CROCC: variants seen among roughly 807,000 people sequenced by gnomAD.
CROCC encodes the protein rootletin.
A neutral mutation model predicts 245.2 loss-of-function variants in CROCC; 180 were observed. The ratio of observed to expected loss-of-function variants is 0.73; its 90% CI spans 0.65 to 0.83. The LOEUF (loss-of-function observed/expected upper bound fraction) is 0.83. Ranked by LOEUF, CROCC falls within the 40% of genes least tolerant of loss-of-function variation. The probability of loss-of-function intolerance (pLI) is 0.00; values close to 1 mark genes in which losing one functional copy is unlikely to be tolerated. For missense variants in CROCC, 2,688 were observed against 2,779.4 expected (o/e 0.97, Z 0.74); for synonymous variants, 1,205 against 1,241.6 (o/e 0.97, Z 0.62).
rs138809672 is a variant in CROCC at position 16,946,301 on chromosome 1, C to T, written c.2179C>T (p.Leu727=). The T allele has an allele frequency of 1.9e-6, 3 of 1,613,468 alleles. No individual in the cohort carries two copies. Among genetic ancestry groups the T allele is most frequent in the African/African-American group, 1.3e-5 (1 of 74,960 alleles). The change falls in exon 16 of 37, where the codon CTG becomes TTG. Residue 727 remains leucine (L), a synonymous_variant. Transcript: ENST00000375541. Reference sequence around the variant, plus strand: ...GGAGCTCGAGCTCTCCATGACCAAGCTGAGGGCAGAGGAGGCCTCCCTGCA... The same window carrying T: ...GGAGCTCGAGCTCTCCATGACCAAGTTGAGGGCAGAGGAGGCCTCCCTGCA... ...RVELELSMTK[L]RAEEASLQDS... is the part of the protein sequence containing the mutation.
chr1:16,925,719 G>A (rs2075519252), intron 3 of CROCC, among the ~76,000 whole-genome samples: 1 of 152,280 alleles, frequency 6.6e-6, no homozygotes, highest in Non-Finnish European at 1.5e-5. Flanking sequence ...TGACTGTGGG[G>A]TGTGCCCGTG....
chr1:16,948,755 A>G (rs2100475567), intron 18 of CROCC, 44 bp from the exon 19 acceptor site: 1 of 1,607,208 alleles, frequency 6.2e-7, no homozygotes, highest in Non-Finnish European at 8.5e-7. Context: ...TCCTGGGGCC[A>G]GGGAGGCTGA....
In CROCC at chr1:16,969,326, C is replaced by T. The variant is rs754334404; in HGVS notation, c.5287C>T (p.Arg1763Cys). Residue 1763 changes from arginine to cysteine, a missense_variant, in exon 32 of 37, where the codon CGC (arginine) becomes TGC (cysteine). Arg to Cys is a radical substitution (Grantham distance 180). Transcript: ENST00000375541. Reference protein sequence around the residue: ...QKALTACEHDRQVLQERLDAA... With the variant: ...QKALTACEHDCQVLQERLDAA... ...GGCTCTGACCGCCTGTGAACATGAC[C>T]GCCAAGTACTCCAGGTCTCGGGCCC... The T allele has an allele frequency of 2.6e-5, 42 of 1,611,266 alleles. No individual in the cohort carries two copies. The highest frequency in any genetic ancestry group is 2.5e-4 in the South Asian group (23 of 90,746).
At position 16,952,976 on chromosome 1, in the gene CROCC, C is replaced by T. The variant is rs1261868276; in HGVS notation, c.3007-326C>T. ...CCCTGTGACTCACCATGTCCCGTTC[C>T]CCTCTGCACCCTGCATCCTCTAGGC... On this transcript the variant is annotated intron_variant, in intron 20 of 36. Transcript: ENST00000375541. 4 of 266,712 alleles carry T rather than the reference C, an allele frequency of 1.5e-5. No homozygotes were observed. The East Asian group carries it at 3.0e-4, about 20-fold the overall frequency. The allele number at this position is 266,712 out of a possible 1,614,324, so 16.5% of individuals were successfully genotyped here. A position where few individuals can be genotyped will look rare whatever the true frequency, so the allele number is the denominator to read the frequency against.
At chr1:16,917,086 C>T (rs866526951), upstream of CROCC, among the ~76,000 whole-genome samples, 4 of 152,290 alleles carry the variant, frequency 2.6e-5, no homozygotes, top group Admixed American at 6.5e-5. Context: ...CCATTGCACT[C>T]CAGACTGGGT....
At chr1:16,922,520 G>C in intron 1 of CROCC, 143 bp from the exon 2 acceptor site, 1 of 1,261,102 alleles carries the variant, frequency 7.9e-7, no homozygotes, top group Non-Finnish European at 1.1e-6. Context: ...GGATTTTTTG[G>C]ATTCTAACTC....
At chr1:16,918,375 C>T (rs2075334028), upstream of CROCC, among the ~76,000 whole-genome samples, 2 of 139,452 alleles carry the variant, frequency 1.4e-5, no homozygotes, top group Admixed American at 1.6e-4. Context: ...GATATGACTT[C>T]CTGGGACCCA....
At chr1:16,943,194 A>G (rs1338124686) in intron 13 of CROCC, among the ~76,000 whole-genome samples, 1 of 151,888 alleles carries the variant, frequency 6.6e-6, no homozygotes, top group African/African-American at 2.4e-5. Context: ...GCAAGCCGAG[A>G]TCGTGCACTG....
chr1:16,918,504 G>A (rs1231833887), upstream of CROCC, among the ~76,000 whole-genome samples: 1 of 152,212 alleles, frequency 6.6e-6, no homozygotes, highest in Non-Finnish European at 1.5e-5. Context: ...GTGGTCAGGA[G>A]AAGGCACAGA....
Position 16,939,071 on chromosome 1 carries a change from C to T in CROCC, c.1537C>T (p.Pro513Ser). Reference protein sequence around the residue: ...RGRSPRRGPSPACSDSSTLAL... With the variant: ...RGRSPRRGPSSACSDSSTLAL... The stretch of plus-strand genomic sequence containing the variant: ...CCGTTCACCCCGCCGAGGCCCCTCC[C>T]CGGCCTGCTCAGACTCCTCCACGCT... The change falls in exon 12 of 37, where the codon CCG becomes TCG. Residue 513 changes from proline to serine, a missense_variant. Around this residue, in one of 9 missense-constraint regions of CROCC, gnomAD observed 972 missense variants for 895.3 expected, o/e 1.09. Coordinates refer to ENST00000375541, the MANE Select transcript of CROCC (RefSeq NM_014675.5). 5.7e-6 allele frequency: 9 copies of T among 1,585,764 alleles called. No homozygotes were observed. Among genetic ancestry groups the T allele is most frequent in the Non-Finnish European group, 7.7e-6 (9 of 1,171,112 alleles).
At chr1:16,936,110 G>A (rs1351872264) in intron 8 of CROCC, among the ~76,000 whole-genome samples, 1 of 150,758 alleles carries the variant, frequency 6.6e-6, no homozygotes, top group African/African-American at 2.4e-5. Flanking sequence ...CCAGTGTAGG[G>A]TTTTTTTTTT....
Position 16,966,335 on chromosome 1 carries a change from G to A in CROCC, c.4697-73G>A. 2 of 1,463,224 alleles carry A rather than the reference G, an allele frequency of 1.4e-6. No homozygotes were observed. Among genetic ancestry groups the A allele is most frequent in the Non-Finnish European group, 1.8e-6 (2 of 1,104,928 alleles). The allele number at this position is 1,463,224 out of a possible 1,614,324, so 90.6% of individuals were successfully genotyped here. ...CCCTGCACTGGGTGGAGTGCAGGCT[G>A]GACATTTTGTGACCTGGTTTGGGTC... On this transcript the variant is annotated intron_variant, in intron 29 of 36. Transcript: ENST00000375541. This position sits in a 1 kb window ranked among gnomAD's most constrained non-coding sequence, Gnocchi z 4.8.
At position 16,936,848 on chromosome 1, in the gene CROCC, C is replaced by G. The variant is rs1471715945; in HGVS notation, c.1168C>G (p.Leu390Val). ...GGCGCAGCAGCAGATGCAAAGCGAC[C>G]TGGACAAGGCTGACCTCAGTGCCAG... ...DLAQQQMQSDLDKADLSARVT... is the reference protein window; with the variant it reads ...DLAQQQMQSDVDKADLSARVT... Residue 390 changes from leucine to valine, a missense_variant, in exon 9 of 37, where the codon CTG (leucine) becomes GTG (valine). By Grantham distance (32) the Leu-to-Val change is conservative. This residue lies in a region of CROCC where 972 missense variants were observed against 895.3 expected (regional missense o/e 1.09). Transcript: ENST00000375541. The G allele has an allele frequency of 6.2e-7, 1 of 1,611,816 alleles. No individual in the cohort carries two copies. Among genetic ancestry groups the G allele is most frequent in the Admixed American group, 1.7e-5 (1 of 59,968 alleles).
chr1:16,971,210 AGTGTGTGT>A (rs34364208), intron 35 of CROCC, among the ~76,000 whole-genome samples: 55,286 of 143,968 alleles, frequency 0.38, 10,879 homozygotes, highest in Non-Finnish European at 0.46. Context: ...ATGATGTCTG[AGTGTGTGT>A]GTGTGTGTGT....
At chr1:16,921,356 G>C (rs1186253791), upstream of CROCC, among the ~76,000 whole-genome samples, 1 of 152,292 alleles carries the variant, frequency 6.6e-6, no homozygotes, top group African/African-American at 2.4e-5. Flanking sequence ...CTCTACCACT[G>C]TGTCTAGGTC....
chr1:16,940,022 C>G lies in CROCC; in HGVS notation c.1737C>G (p.Gly579=), dbSNP rs375526459. 1.2e-6 allele frequency: 2 copies of G among 1,611,452 alleles called. No homozygotes were observed. Among genetic ancestry groups the G allele is most frequent in the South Asian group, 2.2e-5 (2 of 90,984 alleles). ...AGCGCCTGCGGGACAAGACCGACGG[C>G]GCCATGCAGGCCCACGAGGACGCCC... ...QLQRLRDKTD[G]AMQAHEDAQR... Residue 579 remains glycine (G), a synonymous_variant, in exon 13 of 37, where the codon GGC becomes GGG. Coordinates refer to ENST00000375541, the MANE Select transcript of CROCC (RefSeq NM_014675.5).
chr1:16,930,414 CT>C lies in CROCC; in HGVS notation c.684-14del, dbSNP rs1260639402. 6.2e-7 allele frequency: 1 copy of C among 1,611,426 alleles called. No homozygotes were observed. The highest frequency in any genetic ancestry group is 1.1e-5 in the South Asian group (1 of 90,822). ...CCCTGCGCGAGCGCCTACTGATCCC[CT>C]GTGCCCCATTCAGGAGTGCCAGCCT... On this transcript the variant is annotated splice_polypyrimidine_tract_variant and intron_variant, in intron 6 of 36. Transcript: ENST00000375541.
In CROCC at chr1:16,966,429, G is replaced by A. The variant is rs114546248; in HGVS notation, c.4718G>A (p.Arg1573Gln). The A allele has an allele frequency of 1.8e-3, 2,802 of 1,536,564 alleles. 28 individuals carry two copies. In the African/African-American group the frequency reaches 0.026, roughly 14 times the overall value. Residue 1573 changes from arginine (R) to glutamine (Q), a missense_variant, in exon 30 of 37, where the codon CGG becomes CAG. Arg to Gln is a conservative substitution (Grantham distance 43). Transcript: ENST00000375541. This position sits in a 1 kb window ranked among gnomAD's most constrained non-coding sequence, Gnocchi z 4.8. Reference protein sequence around the residue: ...SEEARRSVDGRLSGVQAELAL... With the variant: ...SEEARRSVDGQLSGVQAELAL... ...ACAGCCCGGCGCAGTGTGGATGGGC[G>A]GCTGAGCGGGGTCCAGGCGGAGCTG...
At chr1:16,951,270 G>T in intron 20 of CROCC, 148 bp downstream of exon 20, 1 of 686,476 alleles carries the variant, frequency 1.5e-6, no homozygotes. Context: ...GGGGGATGGG[G>T]AGGTTGTGGT....
Sources: allele counts gnomAD v4.1 joint callset (sites outside exome capture counted in the v4.1 genomes callset), GRCh38; gene constraint gnomAD v4.1.1; regional missense constraint gnomAD v4.1.1; non-coding constraint Gnocchi (gnomAD v3.1); transcripts MANE v1.5; gene names NCBI Gene and HGNC (gene_info 2026-07-23, HGNC 2026-07-21).